Variants in POLR3E observed in about 807,000 individuals in gnomAD.
POLR3E encodes the protein DNA-directed RNA polymerase III subunit RPC5.
POLR3E carries 41 observed loss-of-function variants against 96.6 expected under a neutral mutation model. The observed-to-expected ratio is 0.42, with a 90% CI of 0.33 to 0.55. The LOEUF (loss-of-function observed/expected upper bound fraction) is 0.55. POLR3E is among the 20% of genes least tolerant of loss of function. The pLI is 0.06. For missense variants in POLR3E, 849 were observed against 952.1 expected (o/e 0.89, Z 1.43); for synonymous variants, 396 against 383.6 (o/e 1.03, Z -0.38).
chr16:22,309,130 G>T, intron 5 of POLR3E, 90 bp downstream of exon 5: 1 of 874,750 alleles, frequency 1.1e-6, no homozygotes, highest in Non-Finnish European at 1.8e-6. Flanking sequence ...CCTTTGCCCC[G>T]TCACTGGGCT....
intron 20 of POLR3E, 145 bp from the exon 21 acceptor site, chr16:22,333,499 A>G: frequency 1.7e-6 from 1 of 590,708 alleles, no homozygotes; most frequent in Non-Finnish European, 3.1e-6. Flanking sequence ...GGCTGGTAGT[A>G]GCCATGGTGG....
At chr16:22,317,638 T>TTTG (rs763710808) in intron 12 of POLR3E, among the ~76,000 whole-genome samples, 1,922 of 151,198 alleles carry the variant, frequency 0.013, 16 homozygotes, top group African/African-American at 0.02. Context: ...CTAGGGGCTT[T>TTTG]TTGTTGTTGT....
intron 3 of POLR3E, among the ~76,000 whole-genome samples, chr16:22,307,783 A>G (rs1164892263): frequency 2.0e-5 from 3 of 152,052 alleles, no homozygotes; most frequent in African/African-American, 7.2e-5. Context: ...CTCTCCCCGG[A>G]TGGCCTGTCC....
In POLR3E at chr16:22,322,960, G is replaced by A. The variant is rs769052691; in HGVS notation, c.1068+29G>A. On this transcript the variant is annotated intron_variant, in intron 14 of 20. Transcript: ENST00000299853. The surrounding 1 kb of genome is among the most constrained non-coding windows in gnomAD (Gnocchi z 5.2). ...AGTACCTTGGGTTCTCTGGACTCAC[G>A]GTGGGGGCGTGGGAAGAGGGGGGCA... 9 of 1,518,556 alleles carry A rather than the reference G, an allele frequency of 5.9e-6. No homozygotes were observed. The highest frequency in any genetic ancestry group is 4.6e-5 in the East Asian group (2 of 43,768). 94.1% of individuals were successfully genotyped at this position (1,518,556 alleles called of 1,614,324 possible).
At chr16:22,314,246 C>T in intron 8 of POLR3E, 118 bp downstream of exon 8, 1 of 792,802 alleles carries the variant, frequency 1.3e-6, no homozygotes, top group Non-Finnish European at 2.2e-6. Flanking sequence ...TGCTTTTGAG[C>T]CTTCTTGCTG....
Position 22,313,370 on chromosome 16 carries a change from G to A in POLR3E, c.365-250G>A, listed in dbSNP as rs2048288540. Among the ~76,000 whole-genome samples the A allele has an allele frequency of 6.6e-6, 1 of 152,172 alleles. No homozygotes were observed. Among genetic ancestry groups the A allele is most frequent in the Non-Finnish European group, 1.5e-5 (1 of 68,032 alleles). ...ACCAGACTGGGAGGTGGGACTGAAGGAAGTGGCTTCGAACAGAAGAGTCCA... is the reference window on the plus strand; with the variant it reads ...ACCAGACTGGGAGGTGGGACTGAAGAAAGTGGCTTCGAACAGAAGAGTCCA... On this transcript the variant is annotated intron_variant, in intron 6 of 20. Transcript: ENST00000299853. This position sits in a 1 kb window ranked among gnomAD's most constrained non-coding sequence, Gnocchi z 4.1.
intron 1 of POLR3E, 158 bp from the exon 2 acceptor site, chr16:22,302,773 G>A: frequency 1.5e-6 from 1 of 682,152 alleles, no homozygotes; most frequent in Non-Finnish European, 2.7e-6. Flanking sequence ...ATGGGGTATA[G>A]GGTTGGTCAT....
intron 3 of POLR3E, among the ~76,000 whole-genome samples, chr16:22,306,172 G>A (rs2048128643): frequency 6.6e-6 from 1 of 152,192 alleles, no homozygotes; most frequent in South Asian, 2.1e-4. Context: ...GTGGCCTGCT[G>A]TGATTGGCTG....
chr16:22,327,035 G>A (rs910319969), intron 18 of POLR3E: 1 of 152,544 alleles, frequency 6.6e-6, no homozygotes, highest in African/African-American at 2.4e-5. Context: ...CCTGCGCTGA[G>A]GATAGAGAGC....
chr16:22,324,173 AG>A lies in POLR3E; in HGVS notation c.1069-180del, dbSNP rs1467276477. Among the ~76,000 whole-genome samples, 3 of 151,628 alleles carry A rather than the reference AG, an allele frequency of 2.0e-5. No individual in the cohort carries two copies. The East Asian group carries it at 5.9e-4, about 30-fold the overall frequency. Reference sequence around the variant, plus strand: ...TGGGCCTGGAGCTCCTTTATGGAGGAGAAAAGGAGGGAGGTGCAGAGCTGAA... The same window carrying A: ...TGGGCCTGGAGCTCCTTTATGGAGGAAAAAGGAGGGAGGTGCAGAGCTGAA... On this transcript the variant is annotated intron_variant, in intron 14 of 20. Transcript: ENST00000299853.
Position 22,324,494 on chromosome 16 carries a change from C to T in POLR3E, c.1129-9C>T. On this transcript the variant is annotated splice_polypyrimidine_tract_variant and intron_variant, in intron 15 of 20. Transcript: ENST00000299853. ...GGCTGTGCCTCACGCTGGGCCCCCT[C>T]CCCTCCAGCTCTGCGCCGAGGATGT... 4 of 1,610,922 alleles carry T rather than the reference C, an allele frequency of 2.5e-6. No homozygotes were observed. The highest frequency in any genetic ancestry group is 3.4e-6 in the Non-Finnish European group (4 of 1,178,536).
chr16:22,334,918 A>G lies in POLR3E; in HGVS notation c.*1218A>G, dbSNP rs1490320455. The G allele has an allele frequency of 2.0e-5, 3 of 152,368 alleles. No individual in the cohort carries two copies. Among genetic ancestry groups the G allele is most frequent in the East Asian group, 1.9e-4 (1 of 5,190 alleles). 9.4% of individuals were successfully genotyped at this position (152,368 alleles called of 1,614,324 possible). On this transcript the variant is annotated 3_prime_UTR_variant, in exon 21 of 21. Transcript: ENST00000299853. Reference sequence around the variant, plus strand: ...TGTCTGAAGGTTTAAATGACGGTCTATGCTATTTCCCCACTCCCCCCAAAA... The same window carrying G: ...TGTCTGAAGGTTTAAATGACGGTCTGTGCTATTTCCCCACTCCCCCCAAAA...
chr16:22,330,075 G>A lies in POLR3E; in HGVS notation c.1944+1488G>A, dbSNP rs1487653664. ...TTACGCCAGTTTTTTTTTTTTTTTT[G>A]AGATAGATAGCGTCTTGCTCTTGCT... is the stretch of plus-strand genomic sequence containing the variant. On this transcript the variant is annotated intron_variant, in intron 19 of 20. Transcript: ENST00000299853. Among the ~76,000 whole-genome samples, 10 of 120,798 alleles carry A rather than the reference G, an allele frequency of 8.3e-5. No homozygotes were observed. In the East Asian group the frequency reaches 2.2e-3, roughly 27 times the overall value. The allele number at this position is 120,798 out of a possible 152,430, so 79.2% of individuals were successfully genotyped here.
intron 1 of POLR3E, chr16:22,298,804 ATAAAG>A (rs1246285819): frequency 9.8e-6 from 3 of 306,448 alleles, no homozygotes; most frequent in Middle Eastern, 7.5e-4. Context: ...AAGATTAAAT[ATAAAG>A]TATTCTTTGT....
Position 22,325,940 on chromosome 16 carries a change from G to C in POLR3E, c.1528G>C (p.Glu510Gln), listed in dbSNP as rs1399318708. Residue 510 changes from glutamate to glutamine, a missense_variant, in exon 18 of 21, where the codon GAG becomes CAG. Glu to Gln is a conservative substitution (Grantham distance 29). Transcript: ENST00000299853. ...CGTGAGCGAGGAGGGCGAGGAGGAC[G>C]AGGAGCAGGAGGCGGAGGAGGAGCC... is the stretch of plus-strand genomic sequence containing the variant. ...EPVSEEGEED[E>Q]EQEAEEEPMD... The C allele has an allele frequency of 6.3e-7, 1 of 1,593,112 alleles. No homozygotes were observed. The highest frequency in any genetic ancestry group is 1.1e-5 in the South Asian group (1 of 89,028).
At chr16:22,303,743 C>A (rs1019040114) in intron 2 of POLR3E, among the ~76,000 whole-genome samples, 9 of 148,184 alleles carry the variant, frequency 6.1e-5, no homozygotes, top group African/African-American at 2.3e-4. Context: ...CAGGTTCAAG[C>A]GATTCTCCTG....
intron 13 of POLR3E, 85 bp downstream of exon 13, chr16:22,319,031 G>T: frequency 9.7e-7 from 1 of 1,031,116 alleles, no homozygotes; most frequent in South Asian, 1.6e-5. Flanking sequence ...CTGGTGTGTA[G>T]TGGCGCAATC....
chr16:22,302,283 C>T (rs1288328837), intron 1 of POLR3E, among the ~76,000 whole-genome samples: 1 of 152,206 alleles, frequency 6.6e-6, no homozygotes, highest in African/African-American at 2.4e-5. Context: ...CATCATCCTG[C>T]TTGCTATGTG....
intron 17 of POLR3E, 39 bp downstream of exon 17, chr16:22,325,305 ACACTGTGGCT>A: frequency 6.5e-7 from 1 of 1,530,602 alleles, no homozygotes; most frequent in South Asian, 1.1e-5. Flanking sequence ...CCCGGCTCCT[ACACTGTGGCT>A]CCGGAAGGGC....
Sources: gnomAD v4.1 joint callset for allele counts (sites outside exome capture counted in the v4.1 genomes callset) on GRCh38, gnomAD v4.1.1 for gene constraint, Gnocchi (gnomAD v3.1) non-coding constraint, MANE v1.5 for transcripts, NCBI Gene and HGNC (gene_info 2026-07-23, HGNC 2026-07-21) for gene names.